The following ASTN1 variants were observed in gnomAD, a reference collection of about 807,000 sequenced individuals.
The protein encoded by ASTN1 is astrotactin 1, also known as astrotactin-1.
Under a neutral mutation model 140.7 loss-of-function variants are expected in ASTN1, and 41 were observed. That is an observed-to-expected ratio of 0.29 (90% CI 0.23 to 0.38). The LOEUF (loss-of-function observed/expected upper bound fraction) is 0.38. ASTN1 is among the 10% of genes least tolerant of loss of function. The pLI is 1.00. For missense variants in ASTN1, 1,479 were observed against 1,678.8 expected (o/e 0.88, Z 2.08); for synonymous variants, 640 against 652.2 (o/e 0.98, Z 0.29).
At chr1:176,879,285 G>T (rs1557929902) in intron 20 of ASTN1, among the ~76,000 whole-genome samples, 1 of 152,108 alleles carries the variant, frequency 6.6e-6, no homozygotes, top group Non-Finnish European at 1.5e-5. Flanking sequence ...TTCTGGCCCT[G>T]CTCTGCCTGT....
chr1:176,948,535 C>G (rs561900600), intron 12 of ASTN1, among the ~76,000 whole-genome samples: 1 of 152,304 alleles, frequency 6.6e-6, no homozygotes, highest in South Asian at 2.1e-4. Context: ...GAGGGAGTCA[C>G]TTAACCTCAC....
At chr1:176,858,297 A>C (rs1334149044), downstream of ASTN1, among the ~76,000 whole-genome samples, 1 of 152,234 alleles carries the variant, frequency 6.6e-6, no homozygotes, top group Non-Finnish European at 1.5e-5. Context: ...GAAATTGTAA[A>C]ATTTTATTAT....
intron 14 of ASTN1, among the ~76,000 whole-genome samples, chr1:176,940,381 G>A (rs1036121410): frequency 2.6e-5 from 4 of 152,022 alleles, no homozygotes; most frequent in East Asian, 1.9e-4. Flanking sequence ...CAAACAACCC[G>A]GACTTGATTA....
intron 1 of ASTN1, among the ~76,000 whole-genome samples, chr1:177,078,910 A>G (rs1470775537): frequency 2.0e-5 from 3 of 152,178 alleles, no homozygotes; most frequent in African/African-American, 7.2e-5. Flanking sequence ...AAAATATCCT[A>G]CTTCTAAAGG....
chr1:177,065,699 C>T (rs1678319936), intron 1 of ASTN1, among the ~76,000 whole-genome samples: 1 of 152,046 alleles, frequency 6.6e-6, no homozygotes, highest in Non-Finnish European at 1.5e-5. Context: ...GAAGAATAGC[C>T]CAGGACAGCA....
chr1:176,924,708 C>T (rs1188844992), intron 16 of ASTN1, among the ~76,000 whole-genome samples: 2 of 152,160 alleles, frequency 1.3e-5, no homozygotes, highest in African/African-American at 4.8e-5. Flanking sequence ...GTTTACATAT[C>T]TGGAGTAGTT....
chr1:176,943,941 T>C lies in ASTN1; in HGVS notation c.2327A>G (p.Gln776Arg). 1 of 1,614,040 alleles carries C rather than the reference T, an allele frequency of 6.2e-7. No individual in the cohort carries two copies. Among genetic ancestry groups the C allele is most frequent in the East Asian group, 2.2e-5 (1 of 44,864 alleles). The part of the protein sequence containing the change: ...LVVATVPLEN[Q>R]CLEEISEPTP... The stretch of plus-strand genomic sequence containing the variant: ...GGGCTCCGAGATCTCCTCTAGGCAT[T>C]GATTCTCCAGGGGCACAGTGGCCAC... The change falls in exon 14 of 23, where the codon CAA becomes CGA. Residue 776 changes from glutamine (Q) to arginine (R), a missense_variant. Physicochemically the swap from Gln to Arg is conservative, Grantham distance 43. Coordinates refer to ENST00000361833, the MANE Select transcript of ASTN1 (RefSeq NM_004319.3).
chr1:177,115,613 T>C (rs987377771), intron 1 of ASTN1, among the ~76,000 whole-genome samples: 1 of 151,162 alleles, frequency 6.6e-6, no homozygotes, highest in Non-Finnish European at 1.5e-5. Context: ...GCGAAGATCA[T>C]GCCACTGCAC....
chr1:176,868,743 C>T (rs1668223855), intron 22 of ASTN1, 101 bp downstream of exon 22: 6 of 1,295,440 alleles, frequency 4.6e-6, no homozygotes, highest in Non-Finnish European at 6.3e-6. Context: ...TGCCTAAGCT[C>T]ATCCAGGAAA....
chr1:176,891,937 C>T (rs1462070758), intron 17 of ASTN1, among the ~76,000 whole-genome samples: 1 of 152,174 alleles, frequency 6.6e-6, no homozygotes, highest in East Asian at 1.9e-4. Flanking sequence ...AGGAAGGGCT[C>T]TTGGCAGCTG....
chr1:176,879,599 C>A (rs558027740), intron 20 of ASTN1, among the ~76,000 whole-genome samples: 17 of 152,310 alleles, frequency 1.1e-4, no homozygotes, highest in Admixed American at 8.5e-4. Context: ...CCAAGCTCTG[C>A]CCTGTGGCCT....
intron 4 of ASTN1, among the ~76,000 whole-genome samples, chr1:177,030,317 C>G (rs976603587): frequency 1.3e-5 from 2 of 152,164 alleles, no homozygotes; most frequent in Non-Finnish European, 2.9e-5. Context: ...TTTAATCTCT[C>G]TTTAAAAATG....
chr1:177,035,883 A>T (rs1024014182), intron 2 of ASTN1, among the ~76,000 whole-genome samples: 1 of 152,174 alleles, frequency 6.6e-6, no homozygotes, highest in Non-Finnish European at 1.5e-5. Context: ...AGAATATTTT[A>T]TGTTCATTTT....
rs1669419303 is a variant in ASTN1, at chr1:176,894,637, A to C, written c.2865T>G (p.Pro955=). 6.2e-7 allele frequency: 1 copy of C among 1,614,110 alleles called. No individual in the cohort carries two copies. Among genetic ancestry groups the C allele is most frequent in the Non-Finnish European group, 8.5e-7 (1 of 1,180,016 alleles). Residue 955 remains proline (P), a synonymous_variant, in exon 17 of 23, where the codon CCT becomes CCG. Coordinates refer to ENST00000361833, the MANE Select transcript of ASTN1 (RefSeq NM_004319.3). ...LCHVTSSPDT[P]AEPVLLEVTK... Reference sequence around the variant, plus strand: ...TCACCTCCAGCAGAACCGGCTCAGCAGGGGTGTCAGGGCTGGATGTCACAT... The same window carrying C: ...TCACCTCCAGCAGAACCGGCTCAGCCGGGGTGTCAGGGCTGGATGTCACAT...
chr1:176,975,546 G>A (rs1287588469), intron 8 of ASTN1, among the ~76,000 whole-genome samples: 1 of 152,240 alleles, frequency 6.6e-6, no homozygotes, highest in African/African-American at 2.4e-5. Context: ...AAAGTAGTGG[G>A]TGGAGCAGAA....
chr1:177,051,181 T>C (rs955871540), intron 2 of ASTN1, among the ~76,000 whole-genome samples: 5 of 152,204 alleles, frequency 3.3e-5, no homozygotes, highest in African/African-American at 1.2e-4. Context: ...TTATAATCAA[T>C]CTGTGGGGGT....
At chr1:176,944,079 ATTT>A (rs35968661) in intron 13 of ASTN1, 61 bp from the exon 14 acceptor site, 1,017 of 1,410,918 alleles carry the variant, frequency 7.2e-4, no homozygotes, top group Admixed American at 1.4e-3. Context: ...CTTACTGAGC[ATTT>A]TTTTTTTTTT....
chr1:176,869,820 C>A (rs1377342853), intron 21 of ASTN1, among the ~76,000 whole-genome samples: 3 of 152,084 alleles, frequency 2.0e-5, no homozygotes, highest in Admixed American at 2.0e-4. Flanking sequence ...GGTGCGCATT[C>A]GGCTCAGAGA....
chr1:176,949,053 G>A, intron 12 of ASTN1, 132 bp downstream of exon 12: 2 of 1,299,056 alleles, frequency 1.5e-6, no homozygotes, highest in East Asian at 4.7e-5. Context: ...CCAAGTCCTA[G>A]AGGCTCTTTC....
Sources: allele counts gnomAD v4.1 joint callset (sites outside exome capture counted in the v4.1 genomes callset), GRCh38; gene constraint gnomAD v4.1.1; transcripts MANE v1.5; gene names NCBI Gene and HGNC (gene_info 2026-07-23, HGNC 2026-07-21).